MAGEA11: variants seen among roughly 807,000 people sequenced by gnomAD.
MAGEA11 encodes the protein MAGE family member A11.
A neutral mutation model predicts 8.4 loss-of-function variants in MAGEA11; 1 was observed. That is an observed-to-expected ratio of 0.12 (90% CI 0.04 to 0.57). The LOEUF (loss-of-function observed/expected upper bound fraction) is 0.57, where lower values mean the gene tolerates loss of function less well. Among genes scored for constraint, MAGEA11 ranks in the 20% least tolerant of loss-of-function variants. The probability of loss-of-function intolerance (pLI) is 0.91; values close to 1 mark genes in which losing one functional copy is unlikely to be tolerated. For synonymous variants in MAGEA11, 127 were observed against 119.3 expected, an observed-to-expected ratio of 1.06 and a Z score of -0.42; for missense variants, 209 against 317.3, an observed-to-expected ratio of 0.66 and a Z score of 2.59.
At chrX:149,701,354 T>C (rs1192106227) in intron 1 of MAGEA11, among the ~76,000 whole-genome samples, 3 of 110,108 alleles carry the variant, frequency 2.7e-5, no homozygotes, top group African/African-American at 1.0e-4. Flanking sequence ...TTTGGCTGCA[T>C]AAATGTCTTC....
At chrX:149,705,306 T>C (rs1200253533) in intron 1 of MAGEA11, among the ~76,000 whole-genome samples, 2 of 111,526 alleles carry the variant, frequency 1.8e-5, no homozygotes, top group Non-Finnish European at 3.8e-5. Context: ...CCTATGCTGT[T>C]CTCGTGATAG....
rs149030272 is a variant in MAGEA11, at chrX:149,715,900, A to C, written c.414A>C (p.Ala138=). Residue 138 remains alanine, a synonymous_variant, in exon 5 of 5, where the codon GCA becomes GCC. Transcript: ENST00000355220. The part of the protein sequence containing the change: ...AQEEDLGLVG[A]QALQAEEQEA... ...AAGAAGACCTGGGCCTGGTGGGTGC[A>C]CAGGCTCTCCAAGCTGAGGAGCAGG... The C allele has an allele frequency of 2.6e-5, 32 of 1,209,625 alleles. No individual in the cohort carries two copies. The African/African-American group carries it at 3.7e-4, about 14-fold the overall frequency.
chrX:149,700,430 T>C (rs782218241), intron 1 of MAGEA11, among the ~76,000 whole-genome samples: 38 of 112,092 alleles, frequency 3.4e-4, no homozygotes, highest in African/African-American at 1.2e-3. Flanking sequence ...CAAAATATTT[T>C]CTAATTTCCT....
upstream of MAGEA11, among the ~76,000 whole-genome samples, chrX:149,711,142 C>T (rs781825339): frequency 9.0e-6 from 1 of 111,393 alleles, no homozygotes; most frequent in Admixed American, 9.5e-5. Flanking sequence ...ACTAAAACCA[C>T]GTCAGTAAAT....
intron 1 of MAGEA11, among the ~76,000 whole-genome samples, chrX:149,697,906 C>T (rs1307280855): frequency 8.9e-6 from 1 of 111,857 alleles, no homozygotes; most frequent in Admixed American, 9.4e-5. Context: ...GGCTCTTCCC[C>T]CTTCGCACTG....
chrX:149,713,105 A>T (rs1211110712), intron 1 of MAGEA11, 38 bp from the exon 2 acceptor site: 1 of 941,753 alleles, frequency 1.1e-6, no homozygotes, highest in Non-Finnish European at 1.5e-6. Flanking sequence ...CCCCCCCCAT[A>T]GTCCCGCCGT....
chrX:149,706,423 C>T lies in MAGEA11; in HGVS notation c.10-8058C>T, dbSNP rs782133719. On this transcript the variant is annotated intron_variant, in intron 1 of 3. Transcript: ENST00000333104. ...AGTTTAGAAAGCAAAAACTCATAGG[C>T]GCCTTAACGAGGTGATTAGTTTAAT... Among the ~76,000 whole-genome samples the T allele has an allele frequency of 5.4e-5, 6 of 111,396 alleles. No homozygotes were observed. The South Asian group carries it at 1.9e-3, about 36-fold the overall frequency.
intron 1 of MAGEA11, among the ~76,000 whole-genome samples, chrX:149,697,067 C>T (rs1254270773): frequency 9.0e-6 from 1 of 111,182 alleles, no homozygotes; most frequent in Non-Finnish European, 1.9e-5. Flanking sequence ...AACAGAGCCT[C>T]CACTTCAATG....
chrX:149,702,422 CT>C (rs2090358431), intron 1 of MAGEA11, among the ~76,000 whole-genome samples: 1 of 110,842 alleles, frequency 9.0e-6, no homozygotes, highest in African/African-American at 3.3e-5. Flanking sequence ...AAATATCTTT[CT>C]TTTTCTCTAG....
intron 1 of MAGEA11, among the ~76,000 whole-genome samples, chrX:149,689,966 T>C (rs1410314065): frequency 1.8e-5 from 2 of 112,201 alleles, no homozygotes; most frequent in Non-Finnish European, 3.8e-5. Context: ...TCTGAGAATT[T>C]TGCAAGGATC....
chrX:149,714,613 G>T lies in MAGEA11; in HGVS notation c.192+37G>T, dbSNP rs1297635989. 2.2e-5 allele frequency: 26 copies of T among 1,199,101 alleles called. 1 individual carries two copies. The Middle Eastern group carries it at 7.0e-4, about 32-fold the overall frequency. ...GAGGGAGGATTGAGGGTTCCTCCTG[G>T]CCAGAACACAGAGGGCTGCTTAGAA... On this transcript the variant is annotated intron_variant, in intron 3 of 4. Coordinates refer to ENST00000355220, the MANE Select transcript of MAGEA11 (RefSeq NM_005366.5).
intron 3 of MAGEA11, 111 bp downstream of exon 3, chrX:149,714,687 T>A (rs1301404982): frequency 1.8e-6 from 2 of 1,084,314 alleles, no homozygotes; most frequent in Non-Finnish European, 2.4e-6. Context: ...CAGGACTATG[T>A]GCTGAGACCC....
At chrX:149,705,950 G>T (rs190629249) in intron 1 of MAGEA11, among the ~76,000 whole-genome samples, 10 of 111,927 alleles carry the variant, frequency 8.9e-5, no homozygotes, top group African/African-American at 3.2e-4. Context: ...CCCATCCGTC[G>T]TTTCTCTCCA....
rs1361997310 is a variant in MAGEA11 at position 149,716,123 on chromosome X, G to T, written c.637G>T (p.Asp213Tyr). The change falls in exon 5 of 5, where the codon GAC becomes TAC. Residue 213 changes from aspartate to tyrosine, a missense_variant. Coordinates refer to ENST00000355220, the MANE Select transcript of MAGEA11 (RefSeq NM_005366.5). ...EGPSTSPDLI[D>Y]PESFSQDILH... ...GCCAAGTACCTCGCCTGACCTGATAGACCCTGAGTCCTTTTCCCAAGATAT... is the reference window on the plus strand; with the variant it reads ...GCCAAGTACCTCGCCTGACCTGATATACCCTGAGTCCTTTTCCCAAGATAT... 8.3e-7 allele frequency: 1 copy of T among 1,210,527 alleles called. No homozygotes were observed. Among genetic ancestry groups the T allele is most frequent in the African/African-American group, 1.7e-5 (1 of 57,316 alleles).
chrX:149,692,801 G>A (rs1285075604), intron 1 of MAGEA11, among the ~76,000 whole-genome samples: 1 of 111,830 alleles, frequency 8.9e-6, no homozygotes, highest in East Asian at 2.8e-4. Context: ...AATCATAAGG[G>A]CAGGTGTTTC....
At chrX:149,703,820 A>G (rs2090364162) in intron 1 of MAGEA11, among the ~76,000 whole-genome samples, 1 of 112,179 alleles carries the variant, frequency 8.9e-6, no homozygotes, top group Admixed American at 9.4e-5. Flanking sequence ...CTTATTAATG[A>G]CCACATTATT....
At chrX:149,693,232 G>T (rs2090317472) in intron 1 of MAGEA11, among the ~76,000 whole-genome samples, 1 of 112,202 alleles carries the variant, frequency 8.9e-6, no homozygotes, top group African/African-American at 3.2e-5. Context: ...TAGAAGAACA[G>T]TAGAGGCTGA....
chrX:149,693,468 A>G (rs1185709434), intron 1 of MAGEA11, among the ~76,000 whole-genome samples: 1 of 111,477 alleles, frequency 9.0e-6, no homozygotes, highest in African/African-American at 3.3e-5. Flanking sequence ...CCCCCTCTTC[A>G]GCTTTTATGA....
intron 1 of MAGEA11, among the ~76,000 whole-genome samples, chrX:149,697,773 G>A (rs782378029): frequency 2.3e-4 from 26 of 111,949 alleles, no homozygotes; most frequent in Non-Finnish European, 3.4e-4. Context: ...TACTGCTCAG[G>A]CCATTGCTTC....
Sources: allele counts gnomAD v4.1 joint callset (sites outside exome capture counted in the v4.1 genomes callset), GRCh38; gene constraint gnomAD v4.1.1; transcripts MANE v1.5; gene names NCBI Gene and HGNC (gene_info 2026-07-23, HGNC 2026-07-21).